The following HIVEP2 variants were observed in gnomAD, a reference collection of about 807,000 sequenced individuals.
HIVEP2 encodes HIVEP zinc finger 2, also known as transcription factor HIVEP2.
HIVEP2 carries 14 observed loss-of-function variants against 180.7 expected under a neutral mutation model. The observed-to-expected ratio is 0.08, with a 90% CI of 0.05 to 0.12. The LOEUF (loss-of-function observed/expected upper bound fraction) is 0.12, where lower values mean the gene tolerates loss of function less well. HIVEP2 is among the 10% of genes least tolerant of loss of function. The pLI is 1.00. For synonymous variants in HIVEP2, 1,184 were observed against 1,136.4 expected (o/e 1.04, Z -0.84); for missense variants, 2,579 against 3,008.5 (o/e 0.86, Z 3.34).
chr6:142,790,186 C>G (rs1289602239), intron 2 of HIVEP2, among the ~76,000 whole-genome samples: 1 of 152,074 alleles, frequency 6.6e-6, no homozygotes, highest in Non-Finnish European at 1.5e-5. Context: ...GTTCATAATA[C>G]CAAAATTTCA....
chr6:142,806,135 C>T (rs1368842758), intron 2 of HIVEP2, among the ~76,000 whole-genome samples: 1 of 152,090 alleles, frequency 6.6e-6, no homozygotes, highest in East Asian at 1.9e-4. Flanking sequence ...TGTAGATCTG[C>T]CTTAGTCTTA....
rs543517434 is a variant in HIVEP2 at position 142,797,863 on chromosome 6, A to T, written c.-527-14248T>A. On this transcript the variant is annotated intron_variant, in intron 2 of 9. Transcript: ENST00000367603. ...TACCCTCTATGGTTTCAGGCATTCAATTGGGGGTCTTGGAATATATCCCCC... is the reference window on the plus strand; with the variant it reads ...TACCCTCTATGGTTTCAGGCATTCATTTGGGGGTCTTGGAATATATCCCCC... 2.0e-5 allele frequency among the ~76,000 whole-genome samples: 3 copies of T among 152,018 alleles called. No homozygotes were observed. The East Asian group carries it at 5.8e-4, about 29-fold the overall frequency.
chr6:142,865,841 T>C (rs940665769), intron 1 of HIVEP2, among the ~76,000 whole-genome samples: 8 of 152,184 alleles, frequency 5.3e-5, no homozygotes, highest in Non-Finnish European at 1.2e-4. Context: ...CTATACAAGC[T>C]TTTTAATAAT....
At chr6:142,885,421 C>T (rs1776671988) in intron 1 of HIVEP2, among the ~76,000 whole-genome samples, 1 of 152,068 alleles carries the variant, frequency 6.6e-6, no homozygotes, top group Admixed American at 6.6e-5. Flanking sequence ...GAGCCCCTGT[C>T]TTCAAGCATT....
In HIVEP2 at chr6:142,753,624, G is replaced by C; in HGVS notation, c.6824C>G (p.Pro2275Arg). The change falls in exon 10 of 10, where the codon CCC becomes CGC. Residue 2275 changes from proline (P) to arginine (R), a missense_variant. Physicochemically the swap from Pro to Arg is moderately radical, Grantham distance 103. This residue lies in a region of HIVEP2 where 660 missense variants were observed against 731.7 expected (regional missense o/e 0.90). Transcript: ENST00000367603. ...GASGESFSKD[P>R]YVLSKQHEKR... ...CTCATGCTGCTTAGAAAGCACATAG[G>C]GGTCCTTGGAGAAGGACTCCCCTGA... 6.2e-7 allele frequency: 1 copy of C among 1,614,156 alleles called. No individual in the cohort carries two copies. The highest frequency in any genetic ancestry group is 8.5e-7 in the Non-Finnish European group (1 of 1,180,028).
intron 1 of HIVEP2, among the ~76,000 whole-genome samples, chr6:142,892,415 G>A (rs1162876197): frequency 6.6e-6 from 1 of 152,152 alleles, no homozygotes; most frequent in East Asian, 1.9e-4. Flanking sequence ...AGGTGCCAGA[G>A]AAATAAGCAA....
chr6:142,766,607 G>T (rs1775385499), intron 6 of HIVEP2, among the ~76,000 whole-genome samples: 1 of 152,132 alleles, frequency 6.6e-6, no homozygotes, highest in Admixed American at 6.6e-5. Flanking sequence ...TCATCAAGCA[G>T]TATAATTTTA....
chr6:142,763,864 T>C (rs1477576416), intron 7 of HIVEP2, among the ~76,000 whole-genome samples: 2 of 152,214 alleles, frequency 1.3e-5, no homozygotes, highest in Non-Finnish European at 2.9e-5. Context: ...AACAGATATG[T>C]TGAGAGGCTA....
chr6:142,827,824 T>A (rs1045573819), intron 2 of HIVEP2, among the ~76,000 whole-genome samples: 1 of 152,206 alleles, frequency 6.6e-6, no homozygotes, highest in Non-Finnish European at 1.5e-5. Flanking sequence ...ACTAGCACAT[T>A]CTCAAATGAC....
intron 1 of HIVEP2, among the ~76,000 whole-genome samples, chr6:142,941,931 C>T (rs1368812932): frequency 1.3e-5 from 2 of 152,086 alleles, no homozygotes; most frequent in Non-Finnish European, 2.9e-5. Context: ...GATCACATAC[C>T]AAAATATGAA....
At chr6:142,895,183 T>C (rs146837165) in intron 1 of HIVEP2, among the ~76,000 whole-genome samples, 3 of 152,322 alleles carry the variant, frequency 2.0e-5, no homozygotes, top group Non-Finnish European at 4.4e-5. Flanking sequence ...TATCTTGATA[T>C]GTTTTCTGTG....
In HIVEP2 at chr6:142,818,793, A is replaced by AAAG. The variant is rs1562249294; in HGVS notation, c.-528+18141_-528+18142insCTT. Among the ~76,000 whole-genome samples, 366 of 131,618 alleles carry AAAG rather than the reference A, an allele frequency of 2.8e-3. 5 individuals carry two copies. Among genetic ancestry groups the AAAG allele is most frequent in the South Asian group, 7.6e-3 (30 of 3,958 alleles). The allele number at this position is 131,618 out of a possible 152,430, so 86.3% of individuals were successfully genotyped here. A position where few individuals can be genotyped will look rare whatever the true frequency, so the allele number is the denominator to read the frequency against. ...AGAAAGAAAGAAAGAAAGAAAGAAA[A>AAAG]AGAAAAGAAAAAGAAAAGAAAAAAA... On this transcript the variant is annotated intron_variant, in intron 2 of 9. Coordinates refer to ENST00000367603, the MANE Select transcript of HIVEP2 (RefSeq NM_006734.4).
intron 2 of HIVEP2, among the ~76,000 whole-genome samples, chr6:142,796,542 A>G (rs981853020): frequency 6.6e-6 from 1 of 152,132 alleles, no homozygotes; most frequent in African/African-American, 2.4e-5. Flanking sequence ...TGATCCCATT[A>G]AGTTTTCATC....
intron 1 of HIVEP2, among the ~76,000 whole-genome samples, chr6:142,933,434 A>C (rs903017672): frequency 2.6e-5 from 4 of 152,236 alleles, no homozygotes; most frequent in Non-Finnish European, 5.9e-5. Flanking sequence ...GCTTCAAAGC[A>C]ATGGGAATTT....
In HIVEP2 at chr6:142,751,683, T is replaced by G. The variant is rs1462661822; in HGVS notation, c.*1424A>C. The G allele has an allele frequency of 2.6e-5, 4 of 152,640 alleles. No individual in the cohort carries two copies. The highest frequency in any genetic ancestry group is 4.8e-5 in the African/African-American group (2 of 41,434). 9.5% of individuals were successfully genotyped at this position (152,640 alleles called of 1,614,324 possible). A position where few individuals can be genotyped will look rare whatever the true frequency, so the allele number is the denominator to read the frequency against. ...GGACCTACAAATGCTCTTCCCACCT[T>G]CAACACTAACCAAAAGCCATTGTGA... On this transcript the variant is annotated 3_prime_UTR_variant, in exon 10 of 10. Coordinates refer to ENST00000367603, the MANE Select transcript of HIVEP2 (RefSeq NM_006734.4).
rs1268789367 is a variant in HIVEP2 at position 142,752,421 on chromosome 6, A to G, written c.*686T>C. The G allele has an allele frequency of 1.3e-5, 2 of 152,676 alleles. No individual in the cohort carries two copies. The highest frequency in any genetic ancestry group is 2.9e-5 in the Non-Finnish European group (2 of 68,044). The allele number at this position is 152,676 out of a possible 1,614,324, so 9.5% of individuals were successfully genotyped here. A position where few individuals can be genotyped will look rare whatever the true frequency, so the allele number is the denominator to read the frequency against. ...TCCAGCAAACAAGAGACAAAAAAAT[A>G]TACAAGAGTTAAGAACTGACTGATA... On this transcript the variant is annotated 3_prime_UTR_variant, in exon 10 of 10. Transcript: ENST00000367603.
chr6:142,905,629 C>T (rs1345610554), intron 1 of HIVEP2, among the ~76,000 whole-genome samples: 1 of 152,204 alleles, frequency 6.6e-6, no homozygotes, highest in East Asian at 1.9e-4. Context: ...ATTCACTGTA[C>T]TCAGAAATTC....
At position 142,776,135 on chromosome 6, in the gene HIVEP2, C is replaced by T. The variant is rs906711659; in HGVS notation, c.-388+12G>A. 12 of 152,582 alleles carry T rather than the reference C, an allele frequency of 7.9e-5. No individual in the cohort carries two copies. Among genetic ancestry groups the T allele is most frequent in the Non-Finnish European group, 1.2e-4 (8 of 68,000 alleles). The allele number at this position is 152,582 out of a possible 1,614,324, so 9.5% of individuals were successfully genotyped here. On this transcript the variant is annotated intron_variant, in intron 4 of 9. Coordinates refer to ENST00000367603, the MANE Select transcript of HIVEP2 (RefSeq NM_006734.4). ...GCATATTTCTAGGACAGTTTAAAAA[C>T]GAAATGATTACCTGAACAGTTTAGA...
At position 142,770,917 on chromosome 6, in the gene HIVEP2, C is replaced by G; in HGVS notation, c.3822G>C (p.Thr1274=). ...TGKKPAEYAH[T]KEQTYPCYSG... ...AATAACATGGGTAGGTCTGCTCTTT[C>G]GTGTGTGCATACTCAGCAGGTTTCT... The change falls in exon 5 of 10, where the codon ACG becomes ACC. Residue 1274 remains threonine (T), a synonymous_variant. Coordinates refer to ENST00000367603, the MANE Select transcript of HIVEP2 (RefSeq NM_006734.4). The surrounding 1 kb of genome is among the most constrained non-coding windows in gnomAD (Gnocchi z 4.7). 1 of 1,614,198 alleles carries G rather than the reference C, an allele frequency of 6.2e-7. No homozygotes were observed. The highest frequency in any genetic ancestry group is 8.5e-7 in the Non-Finnish European group (1 of 1,180,034).
Sources: gnomAD v4.1 joint callset for allele counts (sites outside exome capture counted in the v4.1 genomes callset) on GRCh38, gnomAD v4.1.1 for gene constraint, gnomAD v4.1.1 regional missense constraint, Gnocchi (gnomAD v3.1) non-coding constraint, MANE v1.5 for transcripts, NCBI Gene and HGNC (gene_info 2026-07-23, HGNC 2026-07-21) for gene names.